Variants in CFAP300 observed in about 807,000 individuals in gnomAD.
CFAP300 encodes the protein cilia and flagella associated protein 300, also known as cilia- and flagella-associated protein 300.
In CFAP300, 32 loss-of-function variants were observed where a neutral mutation model predicts 33.0. The ratio of observed to expected loss-of-function variants is 0.97; its 90% CI spans 0.73 to 1.30. The LOEUF is 1.30. Ranked by LOEUF, CFAP300 falls within the 50% of genes most tolerant of loss-of-function variation. The pLI is 0.00. For synonymous variants in CFAP300, 102 were observed against 106.8 expected, an observed-to-expected ratio of 0.95 and a Z score of 0.28; for missense variants, 356 against 318.1, an observed-to-expected ratio of 1.12 and a Z score of -0.90.
At chr11:102,067,013 A>G (rs929842158) in intron 4 of CFAP300, among the ~76,000 whole-genome samples, 9 of 152,194 alleles carry the variant, frequency 5.9e-5, no homozygotes, top group African/African-American at 1.7e-4. Flanking sequence ...TTTTTGCTCA[A>G]TGTGGGCCTT....
intron 3 of CFAP300, among the ~76,000 whole-genome samples, chr11:102,063,567 C>T (rs758233216): frequency 1.3e-5 from 2 of 152,196 alleles, no homozygotes; most frequent in African/African-American, 2.4e-5. Flanking sequence ...GTGGCTCACC[C>T]CTGTAATCCC....
At chr11:102,061,478 T>C (rs1238188677) in intron 3 of CFAP300, among the ~76,000 whole-genome samples, 1 of 152,210 alleles carries the variant, frequency 6.6e-6, no homozygotes, top group African/African-American at 2.4e-5. Flanking sequence ...CGGTGCTGTT[T>C]TATCCTCTCA....
At chr11:102,070,876 T>C (rs1206001637) in intron 4 of CFAP300, among the ~76,000 whole-genome samples, 1 of 152,216 alleles carries the variant, frequency 6.6e-6, no homozygotes, top group African/African-American at 2.4e-5. Context: ...TTGTTATTGA[T>C]TTCTAGTTTT....
At position 102,050,749 on chromosome 11, in the gene CFAP300, A is replaced by G. The variant is rs1211027403; in HGVS notation, c.192+2853A>G. Among the ~76,000 whole-genome samples the G allele has an allele frequency of 2.0e-5, 3 of 152,216 alleles. No homozygotes were observed. In the East Asian group the frequency reaches 5.8e-4, roughly 29 times the overall value. On this transcript the variant is annotated intron_variant, in intron 2 of 6. Transcript: ENST00000434758. ...GGCGGGGCCTGAAAGATGAGTAGGAATTCATCAGGTAGATGAAGTGGCAAG... is the reference window on the plus strand; with the variant it reads ...GGCGGGGCCTGAAAGATGAGTAGGAGTTCATCAGGTAGATGAAGTGGCAAG...
At chr11:102,069,573 C>T (rs564350458) in intron 4 of CFAP300, among the ~76,000 whole-genome samples, 6 of 152,136 alleles carry the variant, frequency 3.9e-5, no homozygotes, top group African/African-American at 7.2e-5. Context: ...GAGGCAGAGG[C>T]GGGTGGATCA....
intron 5 of CFAP300, among the ~76,000 whole-genome samples, chr11:102,079,829 G>C (rs1434452288): frequency 6.6e-6 from 1 of 152,136 alleles, no homozygotes. Context: ...AAGATGACTG[G>C]ACTCTGAGTC....
At position 102,053,185 on chromosome 11, in the gene CFAP300, C is replaced by T. The variant is rs547683880; in HGVS notation, c.192+5289C>T. ...TGGAGGTTGCAGTGAGCTGAGATTG[C>T]GCCATTGCACTCCAGCCTGGGCGAC... On this transcript the variant is annotated intron_variant, in intron 2 of 6. Coordinates refer to ENST00000434758, the MANE Select transcript of CFAP300 (RefSeq NM_032930.3). Among the ~76,000 whole-genome samples, 13 of 151,598 alleles carry T rather than the reference C, an allele frequency of 8.6e-5. No individual in the cohort carries two copies. In the South Asian group the frequency reaches 1.0e-3, roughly 12 times the overall value.
rs767819927 is a variant in CFAP300 at position 102,047,784 on chromosome 11, C to T, written c.111-31C>T. The stretch of plus-strand genomic sequence containing the variant: ...TGCGCTCTGAGAGGGTGCCAGCCCC[C>T]AGATGATTTCTTTTTCCTCCTCTGC... On this transcript the variant is annotated intron_variant, in intron 1 of 6. Coordinates refer to ENST00000434758, the MANE Select transcript of CFAP300 (RefSeq NM_032930.3). 14 of 1,611,136 alleles carry T rather than the reference C, an allele frequency of 8.7e-6. No homozygotes were observed. In the African/African-American group the frequency reaches 1.2e-4, roughly 14 times the overall value.
intron 4 of CFAP300, among the ~76,000 whole-genome samples, chr11:102,073,140 G>T (rs1248913358): frequency 6.6e-6 from 1 of 152,224 alleles, no homozygotes; most frequent in Non-Finnish European, 1.5e-5. Context: ...AGCAGTGTTA[G>T]TGGTGGGCTG....
chr11:102,071,549 G>A (rs749756048), intron 4 of CFAP300, among the ~76,000 whole-genome samples: 6 of 152,008 alleles, frequency 3.9e-5, no homozygotes, highest in Non-Finnish European at 8.8e-5. Context: ...GGGGTTTGGT[G>A]GTTTTCTTTA....
At chr11:102,070,574 G>A (rs1226766946) in intron 4 of CFAP300, among the ~76,000 whole-genome samples, 1 of 151,848 alleles carries the variant, frequency 6.6e-6, no homozygotes, top group African/African-American at 2.4e-5. Context: ...TTGTGCTCTG[G>A]TATTTATTTC....
At chr11:102,054,415 A>T (rs1288327090) in intron 2 of CFAP300, among the ~76,000 whole-genome samples, 1 of 152,004 alleles carries the variant, frequency 6.6e-6, no homozygotes, top group African/African-American at 2.4e-5. Flanking sequence ...AGCAGGAACC[A>T]GATAGAGAGG....
intron 2 of CFAP300, among the ~76,000 whole-genome samples, chr11:102,054,412 A>G (rs918899865): frequency 8.6e-5 from 13 of 151,932 alleles, no homozygotes; most frequent in Non-Finnish European, 1.6e-4. Flanking sequence ...AGGAGCAGGA[A>G]CCAGATAGAG....
At chr11:102,072,825 G>T (rs79644560) in intron 4 of CFAP300, among the ~76,000 whole-genome samples, 1 of 152,068 alleles carries the variant, frequency 6.6e-6, no homozygotes, top group African/African-American at 2.4e-5. Flanking sequence ...TACGGTGTTC[G>T]TTGGGTAGAG....
Position 102,084,118 on chromosome 11 carries a change from G to T in CFAP300, c.*919G>T, listed in dbSNP as rs1328126293. ...AATACAAGAGCTACATGTAAACAGAGAAAGTTGCCTGATGGCATTAGTAAG... is the reference window on the plus strand; with the variant it reads ...AATACAAGAGCTACATGTAAACAGATAAAGTTGCCTGATGGCATTAGTAAG... On this transcript the variant is annotated 3_prime_UTR_variant, in exon 7 of 7. Coordinates refer to ENST00000434758, the MANE Select transcript of CFAP300 (RefSeq NM_032930.3). 1 of 152,256 alleles carries T rather than the reference G, an allele frequency of 6.6e-6. No homozygotes were observed. Among genetic ancestry groups the T allele is most frequent in the Non-Finnish European group, 1.5e-5 (1 of 68,054 alleles). The allele number at this position is 152,256 out of a possible 1,614,324, so 9.4% of individuals were successfully genotyped here. A position where few individuals can be genotyped will look rare whatever the true frequency, so the allele number is the denominator to read the frequency against.
At chr11:102,081,473 C>T (rs1942472093) in intron 6 of CFAP300, 192 bp downstream of exon 6, 6 of 593,904 alleles carry the variant, frequency 1.0e-5, no homozygotes, top group South Asian at 9.2e-5. Flanking sequence ...TTTTCCCTGG[C>T]TTCCTTTCTG....
At chr11:102,049,349 T>C (rs1469585037) in intron 2 of CFAP300, among the ~76,000 whole-genome samples, 10 of 152,228 alleles carry the variant, frequency 6.6e-5, no homozygotes, top group African/African-American at 2.4e-4. Flanking sequence ...CTTCTTCTTA[T>C]AGAGACACCA....
chr11:102,073,982 G>A (rs1942357909), intron 4 of CFAP300, among the ~76,000 whole-genome samples: 1 of 152,056 alleles, frequency 6.6e-6, no homozygotes, highest in Admixed American at 6.5e-5. Context: ...TCAGGCTCTG[G>A]GGAACACATA....
At position 102,058,945 on chromosome 11, in the gene CFAP300, G is replaced by C; in HGVS notation, c.258G>C (p.Trp86Cys). 1 of 1,562,378 alleles carries C rather than the reference G, an allele frequency of 6.4e-7. No homozygotes were observed. Among genetic ancestry groups the C allele is most frequent in the Non-Finnish European group, 8.7e-7 (1 of 1,151,636 alleles). The change falls in exon 3 of 7, where the codon TGG (tryptophan) becomes TGC (cysteine). Residue 86 changes from tryptophan (W) to cysteine (C), a missense_variant. By Grantham distance (215) the Trp-to-Cys change is radical. Transcript: ENST00000434758. Reference sequence around the variant, plus strand: ...TACTTTCAGATTCTTCTGGACAATGGATCATATTAGGTAAATAAAATTTTC... The same window carrying C: ...TACTTTCAGATTCTTCTGGACAATGCATCATATTAGGTAAATAAAATTTTC... ...LKLLSDSSGQWIILGTEVKKI... is the reference protein window; with the variant it reads ...LKLLSDSSGQCIILGTEVKKI...
Sources: gnomAD v4.1 joint callset for allele counts (sites outside exome capture counted in the v4.1 genomes callset) on GRCh38, gnomAD v4.1.1 for gene constraint, MANE v1.5 for transcripts, NCBI Gene and HGNC (gene_info 2026-07-23, HGNC 2026-07-21) for gene names.